The following GRIP1 variants were observed in gnomAD, a reference collection of about 807,000 sequenced individuals.
GRIP1 encodes glutamate receptor-interacting protein 1.
GRIP1 carries 45 observed loss-of-function variants against 129.9 expected under a neutral mutation model. That is an observed-to-expected ratio of 0.35 (90% CI 0.27 to 0.44). GRIP1 has a LOEUF of 0.44. GRIP1 is among the 20% of genes least tolerant of loss of function. GRIP1 has a pLI of 1.00. For synonymous variants in GRIP1, 530 were observed against 520.8 expected (o/e 1.02, Z -0.24); for missense variants, 1,196 against 1,396.8 (o/e 0.86, Z 2.29).
intron 7 of GRIP1, among the ~76,000 whole-genome samples, chr12:66,510,294 A>G (rs953102771): frequency 1.3e-5 from 2 of 152,024 alleles, no homozygotes; most frequent in Admixed American, 6.6e-5. Flanking sequence ...AATTTATTCT[A>G]TAGGGCCCTC....
At chr12:66,601,352 G>A (rs889087936) in intron 1 of GRIP1, among the ~76,000 whole-genome samples, 4 of 152,160 alleles carry the variant, frequency 2.6e-5, no homozygotes, top group Non-Finnish European at 5.9e-5. Flanking sequence ...TTGTGAGGAA[G>A]GGAGTCAGGT....
Position 66,353,571 on chromosome 12 carries a change from G to C in GRIP1, c.3013-8C>G, listed in dbSNP as rs973155045. 1 of 1,613,508 alleles carries C rather than the reference G, an allele frequency of 6.2e-7. No individual in the cohort carries two copies. Among genetic ancestry groups the C allele is most frequent in the Middle Eastern group, 1.7e-4 (1 of 6,058 alleles). On this transcript the variant is annotated splice_region_variant and splice_polypyrimidine_tract_variant and intron_variant, in intron 23 of 24. Coordinates refer to ENST00000359742, the MANE Select transcript of GRIP1 (RefSeq NM_001366722.1). ...GTCCTTGTACAAGGTCACCTGAAGA[G>C]AGAAAATGGGATGTGAATATTTAGC...
intron 1 of GRIP1, among the ~76,000 whole-genome samples, chr12:66,771,363 T>C (rs1172319677): frequency 1.3e-5 from 2 of 152,228 alleles, no homozygotes; most frequent in African/African-American, 4.8e-5. Flanking sequence ...TATTTAAATG[T>C]ATATCTTGAG....
At chr12:66,393,205 G>A (rs866305487) in intron 17 of GRIP1, among the ~76,000 whole-genome samples, 7 of 106,238 alleles carry the variant, frequency 6.6e-5, no homozygotes, top group African/African-American at 2.2e-4. Context: ...TTGAGACAGA[G>A]CCTCACTGTG....
chr12:66,979,587 C>T (rs1004497856), intron 1 of GRIP1, among the ~76,000 whole-genome samples: 1 of 152,028 alleles, frequency 6.6e-6, no homozygotes, highest in Admixed American at 6.6e-5. Context: ...CTGAGAGACA[C>T]TATGTTATGG....
intron 2 of GRIP1, among the ~76,000 whole-genome samples, chr12:66,595,683 GCA>G (rs2064022049): frequency 6.6e-6 from 1 of 152,176 alleles, no homozygotes; most frequent in Non-Finnish European, 1.5e-5. Context: ...AGACATCTCG[GCA>G]CTGGGTGATG....
intron 1 of GRIP1, among the ~76,000 whole-genome samples, chr12:66,713,092 C>G (rs1488427036): frequency 6.6e-6 from 1 of 152,050 alleles, no homozygotes; most frequent in South Asian, 2.1e-4. Context: ...AACAGACCAG[C>G]AGACTATTTT....
At position 66,448,315 on chromosome 12, in the gene GRIP1, G is replaced by A. The variant is rs139941472; in HGVS notation, c.1355-2807C>T. On this transcript the variant is annotated intron_variant, in intron 11 of 24. Transcript: ENST00000359742. ...TAGCCTTAACTCACAACTCCCCATTGTCTCAAATTCTATCCATTGCTAAAT... is the reference window on the plus strand; with the variant it reads ...TAGCCTTAACTCACAACTCCCCATTATCTCAAATTCTATCCATTGCTAAAT... Among the ~76,000 whole-genome samples, 10 of 152,224 alleles carry A rather than the reference G, an allele frequency of 6.6e-5. No individual in the cohort carries two copies. In the South Asian group the frequency reaches 1.0e-3, roughly 16 times the overall value.
intron 1 of GRIP1, among the ~76,000 whole-genome samples, chr12:66,875,611 G>T (rs1284882446): frequency 6.6e-6 from 1 of 152,022 alleles, no homozygotes; most frequent in Non-Finnish European, 1.5e-5. Context: ...TAATAATGAG[G>T]TTGTCTTCAA....
intron 1 of GRIP1, among the ~76,000 whole-genome samples, chr12:66,749,891 G>A (rs78875398): frequency 0.011 from 1,618 of 152,264 alleles, 39 homozygotes; most frequent in African/African-American, 0.037. Flanking sequence ...GATACAGAGA[G>A]AGAAATAAAT....
At chr12:66,641,291 G>A (rs1263995773) in intron 1 of GRIP1, among the ~76,000 whole-genome samples, 3 of 152,148 alleles carry the variant, frequency 2.0e-5, no homozygotes, top group Non-Finnish European at 4.4e-5. Flanking sequence ...ACTAACCAGG[G>A]GCAAGGGCAG....
intron 1 of GRIP1, among the ~76,000 whole-genome samples, chr12:66,919,396 G>A (rs193126166): frequency 2.6e-5 from 4 of 152,214 alleles, no homozygotes; most frequent in African/African-American, 9.6e-5. Context: ...TCTCTACTTT[G>A]GGGATCTTTC....
chr12:66,394,616 G>T (rs1281135208), intron 16 of GRIP1, among the ~76,000 whole-genome samples: 1 of 152,186 alleles, frequency 6.6e-6, no homozygotes, highest in Admixed American at 6.5e-5. Flanking sequence ...GGGGCTGCAG[G>T]ACCTTTCAAC....
In GRIP1 at chr12:66,738,313, G is replaced by A. The variant is rs898049853; in HGVS notation, c.-420+65740C>T. Among the ~76,000 whole-genome samples, 4 of 151,446 alleles carry A rather than the reference G, an allele frequency of 2.6e-5. No individual in the cohort carries two copies. The South Asian group carries it at 8.3e-4, about 32-fold the overall frequency. Reference sequence around the variant, plus strand: ...AGGCTCACTGCAAGCTCCGCCTCTCGGGTTCACACCATTCTCCTGCCTCAG... The same window carrying A: ...AGGCTCACTGCAAGCTCCGCCTCTCAGGTTCACACCATTCTCCTGCCTCAG... On this transcript the variant is annotated intron_variant, in intron 1 of 4. Coordinates refer to the GRIP1 transcript ENST00000538373.
chr12:66,598,324 T>C (rs928333638), intron 1 of GRIP1, among the ~76,000 whole-genome samples: 6 of 152,208 alleles, frequency 3.9e-5, no homozygotes, highest in Non-Finnish European at 8.8e-5. Context: ...GCAATTAACT[T>C]AAAAAATAGA....
chr12:66,521,959 G>A (rs1248689650), intron 5 of GRIP1, among the ~76,000 whole-genome samples: 3 of 152,210 alleles, frequency 2.0e-5, no homozygotes, highest in African/African-American at 4.8e-5. Context: ...GGGGGAGGGT[G>A]CCTGCCATTG....
At chr12:66,873,987 AAAAC>A (rs2040339986) in intron 1 of GRIP1, among the ~76,000 whole-genome samples, 1 of 152,086 alleles carries the variant, frequency 6.6e-6, no homozygotes, top group South Asian at 2.1e-4. Context: ...CCTTCTGGCA[AAAAC>A]AAGTTCTGCT....
chr12:67,041,399 G>A (rs1394913397), intron 1 of GRIP1, among the ~76,000 whole-genome samples: 2 of 152,102 alleles, frequency 1.3e-5, no homozygotes, highest in African/African-American at 4.8e-5. Context: ...TATATGGAGA[G>A]AGAGAGAAGA....
intron 7 of GRIP1, among the ~76,000 whole-genome samples, chr12:66,511,170 A>G (rs1291474431): frequency 6.6e-6 from 1 of 151,952 alleles, no homozygotes; most frequent in African/African-American, 2.4e-5. Flanking sequence ...ATGGTTTTAT[A>G]AAGGAGAGTT....
Sources: allele counts gnomAD v4.1 joint callset (sites outside exome capture counted in the v4.1 genomes callset), GRCh38; gene constraint gnomAD v4.1.1; transcripts MANE v1.5; gene names NCBI Gene and HGNC (gene_info 2026-07-23, HGNC 2026-07-21).